MPP7: variants seen among roughly 807,000 people sequenced by gnomAD.
MPP7 encodes the protein MAGUK p55 subfamily member 7.
In MPP7, 60 loss-of-function variants were observed where a neutral mutation model predicts 76.5. The ratio of observed to expected loss-of-function variants is 0.78; its 90% CI spans 0.64 to 0.97. The LOEUF (loss-of-function observed/expected upper bound fraction) is 0.97, where lower values mean the gene tolerates loss of function less well. MPP7 is among the 50% of genes least tolerant of loss of function. The pLI is 0.00. For missense variants in MPP7, 641 were observed against 694.0 expected, an observed-to-expected ratio of 0.92 and a Z score of 0.86; for synonymous variants, 237 against 244.5, an observed-to-expected ratio of 0.97 and a Z score of 0.29.
At chr10:28,175,253 G>A (rs539772882) in intron 3 of MPP7, among the ~76,000 whole-genome samples, 12 of 151,550 alleles carry the variant, frequency 7.9e-5, no homozygotes, top group Non-Finnish European at 1.6e-4. Context: ...TTGCATCATT[G>A]CACTCCAGCC....
rs1364688808 is a variant in MPP7 at position 28,058,566 on chromosome 10, C to T, written c.1336G>A (p.Gly446Ser). The change falls in exon 15 of 17, where the codon GGC (glycine) becomes AGC (serine). Residue 446 changes from glycine (G) to serine (S), a missense_variant. Transcript: ENST00000683449. ...GACCGAACTGAGTCTATACTTGTGC[C>T]GTAGTAGTTGTTTTTATATTCTCCA... ...EYGEYKNNYY[G>S]TSIDSVRSVL... The T allele has an allele frequency of 8.7e-6, 14 of 1,600,370 alleles. No homozygotes were observed. The highest frequency in any genetic ancestry group is 4.0e-5 in the African/African-American group (3 of 74,384).
At chr10:28,163,503 G>A (rs1044307685) in intron 3 of MPP7, among the ~76,000 whole-genome samples, 4 of 152,044 alleles carry the variant, frequency 2.6e-5, no homozygotes, top group Admixed American at 2.0e-4. Flanking sequence ...GGGCTGCCCT[G>A]GTTTATCATG....
At chr10:28,308,564 G>A (rs1020745854) in intron 2 of MPP7, among the ~76,000 whole-genome samples, 3 of 152,178 alleles carry the variant, frequency 2.0e-5, no homozygotes, top group African/African-American at 7.2e-5. Flanking sequence ...CAAGGGGCTA[G>A]GATATTTCCT....
chr10:28,291,363 TG>T (rs761640395), intron 1 of MPP7, among the ~76,000 whole-genome samples: 2 of 152,186 alleles, frequency 1.3e-5, no homozygotes, highest in Non-Finnish European at 2.9e-5. Context: ...CCCAGCACTT[TG>T]GGAGGCTGAG....
At position 28,113,989 on chromosome 10, in the gene MPP7, G is replaced by A. The variant is rs1357900962; in HGVS notation, c.952+5662C>T. On this transcript the variant is annotated intron_variant, in intron 11 of 16. Transcript: ENST00000683449. Reference sequence around the variant, plus strand: ...ATTCCAAGGGAGAGTCTCCTGCCAGGAGTGGCCAGGGAGGGCCAGCTCCTC... The same window carrying A: ...ATTCCAAGGGAGAGTCTCCTGCCAGAAGTGGCCAGGGAGGGCCAGCTCCTC... Among the ~76,000 whole-genome samples, 6 of 152,166 alleles carry A rather than the reference G, an allele frequency of 3.9e-5. 1 individual carries two copies. The highest frequency in any genetic ancestry group is 8.8e-5 in the Non-Finnish European group (6 of 68,036).
chr10:28,110,159 C>T (rs1023517801), intron 11 of MPP7, among the ~76,000 whole-genome samples: 1 of 151,090 alleles, frequency 6.6e-6, no homozygotes. Context: ...GGTGCAATCT[C>T]GACTCACTGC....
intron 2 of MPP7, among the ~76,000 whole-genome samples, chr10:28,217,137 T>C (rs945970342): frequency 6.6e-6 from 1 of 152,122 alleles, no homozygotes; most frequent in Non-Finnish European, 1.5e-5. Flanking sequence ...TATCTTCCAT[T>C]TCAAAGGCTA....
intron 6 of MPP7, among the ~76,000 whole-genome samples, chr10:28,131,212 G>A (rs1835180021): frequency 6.6e-6 from 1 of 152,136 alleles, no homozygotes; most frequent in Non-Finnish European, 1.5e-5. Flanking sequence ...AAAAGCAATT[G>A]AATTAAGTAT....
chr10:28,191,252 G>A (rs1307618051), intron 3 of MPP7, among the ~76,000 whole-genome samples: 1 of 152,060 alleles, frequency 6.6e-6, no homozygotes, highest in African/African-American at 2.4e-5. Context: ...GAAAGAAAAG[G>A]AAAATAGCAA....
At chr10:28,124,175 G>A in intron 7 of MPP7, 59 bp from the exon 8 acceptor site, 2 of 1,132,244 alleles carry the variant, frequency 1.8e-6, no homozygotes, top group Non-Finnish European at 2.7e-6. Flanking sequence ...ACTGTAATTT[G>A]CAGCTGTTTC....
At chr10:28,306,668 T>TAGAGAGAGAGAGAGAGAGAGAGAGAGAG (rs55731439), upstream of MPP7, among the ~76,000 whole-genome samples, 2 of 148,504 alleles carry the variant, frequency 1.3e-5, no homozygotes, top group African/African-American at 5.0e-5. Flanking sequence ...GATAGATAGA[T>TAGAGAGAGAGAGAGAGAGAGAGAGAGAG]AGAGAGAGAG....
intron 1 of MPP7, among the ~76,000 whole-genome samples, chr10:28,258,400 A>AAATTT (rs1453359762): frequency 6.8e-6 from 1 of 146,736 alleles, no homozygotes; most frequent in African/African-American, 2.5e-5. Flanking sequence ...ATATATATAT[A>AAATTT]TATATAAATT....
chr10:28,125,083 G>A lies in MPP7; in HGVS notation c.456C>T (p.Thr152=). The change falls in exon 7 of 17, where the codon ACC becomes ACT. Residue 152 remains threonine (T), a synonymous_variant. Transcript: ENST00000683449. ...CCCCGGTCTGTTCATCCTTCTTAAT[G>A]GTAGCTCCCTTTTAAGACAAAAACA... is the stretch of plus-strand genomic sequence containing the variant. ...LVKNREPLGA[T]IKKDEQTGAI... 6.2e-7 allele frequency: 1 copy of A among 1,613,710 alleles called. No individual in the cohort carries two copies. The highest frequency in any genetic ancestry group is 8.5e-7 in the Non-Finnish European group (1 of 1,179,738).
chr10:28,278,513 G>A (rs1840570828), intron 1 of MPP7, among the ~76,000 whole-genome samples: 1 of 152,082 alleles, frequency 6.6e-6, no homozygotes, highest in Middle Eastern at 3.4e-3. Context: ...AACACCTGAA[G>A]ACACCACAAA....
At chr10:28,135,271 G>A (rs1835319078) in intron 5 of MPP7, among the ~76,000 whole-genome samples, 1 of 152,146 alleles carries the variant, frequency 6.6e-6, no homozygotes, top group African/African-American at 2.4e-5. Flanking sequence ...AGAGGAAAGG[G>A]TGGCAGATAC....
chr10:28,120,465 G>A (rs76927140), intron 9 of MPP7, 75 bp from the exon 10 acceptor site: 62,063 of 1,484,114 alleles, frequency 0.042, 2,605 homozygotes, highest in African/African-American at 0.2. Flanking sequence ...TCCTAACTCC[G>A]ACTCCAAACA....
chr10:28,080,009 C>G (rs778862955), intron 12 of MPP7, among the ~76,000 whole-genome samples: 1 of 118,424 alleles, frequency 8.4e-6, no homozygotes. Flanking sequence ...ATAATCCCAG[C>G]GGAAGAATGG....
intron 1 of MPP7, among the ~76,000 whole-genome samples, chr10:28,300,941 C>T (rs1841140587): frequency 6.8e-6 from 1 of 146,156 alleles, no homozygotes; most frequent in Non-Finnish European, 1.5e-5. Flanking sequence ...GAGTGAGACT[C>T]CACCTCAGAA....
chr10:28,239,822 C>G (rs1318169800), intron 1 of MPP7, among the ~76,000 whole-genome samples: 1 of 152,138 alleles, frequency 6.6e-6, no homozygotes. Context: ...ATTTCATCTT[C>G]TTAAGCCTTA....
Sources: allele counts gnomAD v4.1 joint callset (sites outside exome capture counted in the v4.1 genomes callset), GRCh38; gene constraint gnomAD v4.1.1; transcripts MANE v1.5; gene names NCBI Gene and HGNC (gene_info 2026-07-23, HGNC 2026-07-21).